GPLD1: variants seen among roughly 807,000 people sequenced by gnomAD.
GPLD1 encodes the protein phosphatidylinositol-glycan-specific phospholipase D.
Under a neutral mutation model 112.6 loss-of-function variants are expected in GPLD1, and 84 were observed. That is an observed-to-expected ratio of 0.75 (90% confidence interval 0.63 to 0.89). The LOEUF is 0.89. Ranked by LOEUF, GPLD1 falls within the 40% of genes least tolerant of loss-of-function variation. The pLI is 0.00. For missense variants in GPLD1, 1,044 were observed against 1,051.5 expected, an observed-to-expected ratio of 0.99 and a Z score of 0.10; for synonymous variants, 386 against 403.8, an observed-to-expected ratio of 0.96 and a Z score of 0.53.
intron 24 of GPLD1, among the ~76,000 whole-genome samples, chr6:24,429,574 G>A (rs1762338437): frequency 6.6e-6 from 1 of 152,172 alleles, no homozygotes; most frequent in Non-Finnish European, 1.5e-5. Flanking sequence ...TTGAAACAGA[G>A]TCTTGCCCTG....
At chr6:24,459,222 C>T (rs1453877885) in intron 12 of GPLD1, among the ~76,000 whole-genome samples, 1 of 151,204 alleles carries the variant, frequency 6.6e-6, no homozygotes, top group Non-Finnish European at 1.5e-5. Context: ...GTCTGATAGC[C>T]TCCAAGGTGA....
chr6:24,488,320 G>A (rs1764445669), intron 1 of GPLD1, among the ~76,000 whole-genome samples: 1 of 152,014 alleles, frequency 6.6e-6, no homozygotes, highest in Non-Finnish European at 1.5e-5. Flanking sequence ...GTTGAGGCAG[G>A]AGAATGGTGT....
intron 5 of GPLD1, among the ~76,000 whole-genome samples, chr6:24,474,644 T>G (rs1363700814): frequency 6.6e-6 from 1 of 152,012 alleles, no homozygotes; most frequent in East Asian, 1.9e-4. Flanking sequence ...GCAAGAAGAA[T>G]AAAAGGAATG....
rs923937794 is a variant in GPLD1, at chr6:24,456,401, T to G, written c.1148+97A>C. Reference sequence around the variant, plus strand: ...GACAAGTGAGACTCTGTCTCAAAAATAAAATAAAATAAAATGAAATAAAAA... The same window carrying G: ...GACAAGTGAGACTCTGTCTCAAAAAGAAAATAAAATAAAATGAAATAAAAA... On this transcript the variant is annotated intron_variant, in intron 13 of 24. Coordinates refer to ENST00000230036, the MANE Select transcript of GPLD1 (RefSeq NM_001503.4). 2.0e-5 allele frequency: 17 copies of G among 839,128 alleles called. No individual in the cohort carries two copies. The African/African-American group carries it at 2.8e-4, about 14-fold the overall frequency. 52.0% of individuals were successfully genotyped at this position (839,128 alleles called of 1,614,324 possible). A position where few individuals can be genotyped will look rare whatever the true frequency, so the allele number is the denominator to read the frequency against.
At chr6:24,424,697 T>TTTG (rs1475082824), downstream of GPLD1, 1 of 152,218 alleles carries the variant, frequency 6.6e-6, no homozygotes, top group Non-Finnish European at 1.5e-5. Flanking sequence ...CACTAGAACA[T>TTTG]TTGTTAAGCC....
chr6:24,488,693 A>G (rs554887880), intron 1 of GPLD1, among the ~76,000 whole-genome samples: 4 of 152,210 alleles, frequency 2.6e-5, no homozygotes, highest in Non-Finnish European at 5.9e-5. Context: ...ACATATATCA[A>G]CACATCATGT....
chr6:24,478,742 T>G (rs1764104336), intron 3 of GPLD1, among the ~76,000 whole-genome samples: 1 of 136,224 alleles, frequency 7.3e-6, no homozygotes, highest in Non-Finnish European at 1.6e-5. Context: ...AGCTCTCAAG[T>G]GGTCCTCTTC....
intron 7 of GPLD1, among the ~76,000 whole-genome samples, chr6:24,472,001 G>A (rs1763840243): frequency 6.6e-6 from 1 of 151,314 alleles, no homozygotes; most frequent in Admixed American, 6.6e-5. Flanking sequence ...ATAAGTGAAA[G>A]GACATACCAC....
chr6:24,472,933 G>A (rs555379881), intron 6 of GPLD1: 13 of 246,168 alleles, frequency 5.3e-5, no homozygotes, highest in Non-Finnish European at 9.5e-5. Flanking sequence ...GCGCCACCAC[G>A]CCCAGCTAAT....
intron 15 of GPLD1, 119 bp from the exon 16 acceptor site, chr6:24,448,327 C>A: frequency 2.3e-6 from 1 of 434,690 alleles, no homozygotes; most frequent in Non-Finnish European, 4.4e-6. Context: ...TGTCTATAAT[C>A]CCAGTGCTTT....
rs1374396084 is a variant in GPLD1, at chr6:24,469,970, T to A, written c.545+2612A>T. Among the ~76,000 whole-genome samples the A allele has an allele frequency of 2.0e-5, 3 of 152,224 alleles. No individual in the cohort carries two copies. In the East Asian group the frequency reaches 5.8e-4, roughly 29 times the overall value. On this transcript the variant is annotated intron_variant, in intron 7 of 24. Transcript: ENST00000230036. ...GACAAAATAACAAAAAATATTTTTT[T>A]AAATGAATCACCAAGCTAGCAGGAC...
chr6:24,474,298 T>C (rs868215703), intron 5 of GPLD1, among the ~76,000 whole-genome samples: 2 of 152,166 alleles, frequency 1.3e-5, no homozygotes, highest in Admixed American at 1.3e-4. Flanking sequence ...AATCTCTGAG[T>C]TGAAGTTGAA....
upstream of GPLD1, among the ~76,000 whole-genome samples, chr6:24,493,295 G>C (rs1278658104): frequency 2.0e-5 from 3 of 152,136 alleles, no homozygotes; most frequent in Non-Finnish European, 4.4e-5. Context: ...GGCCAACACG[G>C]TGAAAACCTG....
chr6:24,469,275 T>G (rs1385917152), intron 7 of GPLD1, among the ~76,000 whole-genome samples: 2 of 143,908 alleles, frequency 1.4e-5, no homozygotes, highest in African/African-American at 5.2e-5. Flanking sequence ...ATCCCATTAC[T>G]GGGTATATAC....
At chr6:24,477,524 G>A (rs759120238) in intron 3 of GPLD1, among the ~76,000 whole-genome samples, 1 of 151,870 alleles carries the variant, frequency 6.6e-6, no homozygotes, top group Non-Finnish European at 1.5e-5. Context: ...GTTGAGACTA[G>A]CCTGGGCAAC....
At chr6:24,440,643 C>T (rs1762717068) in intron 20 of GPLD1, among the ~76,000 whole-genome samples, 1 of 145,826 alleles carries the variant, frequency 6.9e-6, no homozygotes, top group Non-Finnish European at 1.5e-5. Context: ...GTCCCGGCTA[C>T]TTGTGAACCT....
chr6:24,488,201 A>G (rs1764439851), intron 1 of GPLD1, among the ~76,000 whole-genome samples: 1 of 152,058 alleles, frequency 6.6e-6, no homozygotes, highest in African/African-American at 2.4e-5. Flanking sequence ...AGGTCAGGAG[A>G]TCGAGATCAT....
intron 4 of GPLD1, 152 bp from the exon 5 acceptor site, chr6:24,475,383 C>A (rs1490744752): frequency 1.3e-5 from 8 of 609,386 alleles, no homozygotes; most frequent in South Asian, 4.1e-5. Context: ...TTATTAAAAA[C>A]CACATAAGAG....
chr6:24,464,012 T>C (rs2127351632), intron 10 of GPLD1, among the ~76,000 whole-genome samples: 1 of 152,322 alleles, frequency 6.6e-6, no homozygotes, highest in South Asian at 2.1e-4. Flanking sequence ...TATCTTTCCT[T>C]AGCTATTTGG....
Sources: allele counts gnomAD v4.1 joint callset (sites outside exome capture counted in the v4.1 genomes callset), GRCh38; gene constraint gnomAD v4.1.1; transcripts MANE v1.5; gene names NCBI Gene and HGNC (gene_info 2026-07-23, HGNC 2026-07-21).